The following MAMDC2 variants were observed in gnomAD, a reference collection of about 807,000 sequenced individuals.
The protein encoded by MAMDC2 is MAM domain-containing protein 2.
MAMDC2 carries 57 observed loss-of-function variants against 89.8 expected under a neutral mutation model. The observed-to-expected ratio is 0.63, with a 90% CI of 0.51 to 0.79. MAMDC2 has a LOEUF of 0.79. Among genes scored for constraint, MAMDC2 ranks in the 30% least tolerant of loss-of-function variants. The probability of loss-of-function intolerance (pLI) is 0.00; values close to 1 mark genes in which losing one functional copy is unlikely to be tolerated. For synonymous variants in MAMDC2, 313 were observed against 293.4 expected (o/e 1.07, Z -0.68); for missense variants, 800 against 820.6 (o/e 0.97, Z 0.31).
chr9:70,176,262 A>T (rs189467628), intron 11 of MAMDC2, among the ~76,000 whole-genome samples: 15 of 152,330 alleles, frequency 9.8e-5, no homozygotes, highest in Admixed American at 9.8e-4. Flanking sequence ...CATATAGTAG[A>T]TATTAAATTG....
intron 11 of MAMDC2, among the ~76,000 whole-genome samples, chr9:70,173,434 A>G (rs1453022562): frequency 6.6e-6 from 1 of 152,180 alleles, no homozygotes; most frequent in Non-Finnish European, 1.5e-5. Flanking sequence ...GACACATTTA[A>G]TAATAACTAA....
intron 2 of MAMDC2, among the ~76,000 whole-genome samples, chr9:70,072,926 G>T (rs891150677): frequency 6.6e-6 from 1 of 152,028 alleles, no homozygotes. Flanking sequence ...ACCTCCGCCT[G>T]CCAGGTTCAA....
intron 2 of MAMDC2, chr9:70,088,937 G>T (rs1282198835): frequency 6.6e-6 from 1 of 152,018 alleles, no homozygotes; most frequent in Non-Finnish European, 1.5e-5. Context: ...GCTTTACTGA[G>T]AATGTACACT....
chr9:70,099,732 T>C (rs1828115267), intron 2 of MAMDC2, among the ~76,000 whole-genome samples: 2 of 152,088 alleles, frequency 1.3e-5, no homozygotes, highest in South Asian at 4.2e-4. Context: ...CCCAGCACTT[T>C]GGGAGGCCGA....
chr9:70,135,593 T>C (rs561637264), intron 7 of MAMDC2, among the ~76,000 whole-genome samples: 2 of 152,284 alleles, frequency 1.3e-5, no homozygotes, highest in Non-Finnish European at 2.9e-5. Context: ...TCTATCACCA[T>C]GGAGAGAAGT....
At position 70,083,934 on chromosome 9, in the gene MAMDC2, A is replaced by G. The variant is rs1336680348; in HGVS notation, c.149-24277A>G. Among the ~76,000 whole-genome samples, 7 of 152,072 alleles carry G rather than the reference A, an allele frequency of 4.6e-5. No individual in the cohort carries two copies. In the East Asian group the frequency reaches 1.3e-3, roughly 29 times the overall value. On this transcript the variant is annotated intron_variant, in intron 2 of 13. Coordinates refer to ENST00000377182, the MANE Select transcript of MAMDC2 (RefSeq NM_153267.5). ...ATGAGCATGTCCTGGCTTTACCACT[A>G]ATTAGCTAAGAGACTTAAGAATAAT...
intron 5 of MAMDC2, among the ~76,000 whole-genome samples, chr9:70,115,622 C>T (rs771399178): frequency 6.6e-6 from 1 of 152,176 alleles, no homozygotes; most frequent in Non-Finnish European, 1.5e-5. Flanking sequence ...TCCCAAAGTG[C>T]TGTTTAGCAC....
chr9:70,183,269 T>C (rs970972163), intron 11 of MAMDC2, among the ~76,000 whole-genome samples: 1 of 152,212 alleles, frequency 6.6e-6, no homozygotes, highest in Non-Finnish European at 1.5e-5. Context: ...TACTTCCAAT[T>C]ATGTGGTCAA....
chr9:70,071,242 A>C (rs1827401048), intron 2 of MAMDC2, among the ~76,000 whole-genome samples: 4 of 152,348 alleles, frequency 2.6e-5, no homozygotes, highest in Admixed American at 6.5e-5. Flanking sequence ...ACTCGAGAGT[A>C]GTACTTGATT....
chr9:70,090,856 C>G (rs1347038434), intron 2 of MAMDC2: 2 of 152,104 alleles, frequency 1.3e-5, no homozygotes, highest in Non-Finnish European at 2.9e-5. Flanking sequence ...TTATGCATCA[C>G]AAGGGCACCA....
chr9:70,204,979 C>G (rs147012082), intron 11 of MAMDC2, among the ~76,000 whole-genome samples: 12 of 152,124 alleles, frequency 7.9e-5, no homozygotes, highest in Non-Finnish European at 1.6e-4. Context: ...GAGATGCACC[C>G]GGTACCTCAG....
In MAMDC2 at chr9:70,082,226, C is replaced by G. The variant is rs762939295; in HGVS notation, c.149-25985C>G. Among the ~76,000 whole-genome samples the G allele has an allele frequency of 5.3e-5, 8 of 152,078 alleles. 1 individual carries two copies. The highest frequency in any genetic ancestry group is 8.8e-5 in the Non-Finnish European group (6 of 67,994). ...CCTGGGCAACATAGCAAGACCCTGT[C>G]TCTATAAATAAATAAATAAATGATA... On this transcript the variant is annotated intron_variant, in intron 2 of 13. Transcript: ENST00000377182.
At chr9:70,184,710 G>A (rs751290519) in intron 11 of MAMDC2, among the ~76,000 whole-genome samples, 2 of 151,872 alleles carry the variant, frequency 1.3e-5, no homozygotes, top group Admixed American at 6.6e-5. Flanking sequence ...GAGTTCTCAT[G>A]CTGTGTTTTT....
chr9:70,104,754 A>C (rs1483574642), intron 2 of MAMDC2, among the ~76,000 whole-genome samples: 1 of 152,136 alleles, frequency 6.6e-6, no homozygotes, highest in Non-Finnish European at 1.5e-5. Context: ...GCAGACAGAA[A>C]GTAGATTTGT....
chr9:70,126,578 C>A (rs1478312963), intron 6 of MAMDC2, among the ~76,000 whole-genome samples, 163 bp downstream of exon 6: 1 of 152,214 alleles, frequency 6.6e-6, no homozygotes, highest in African/African-American at 2.4e-5. Flanking sequence ...TCCTGCTCTC[C>A]CTTCCTCTGT....
chr9:70,223,169 C>T (rs2033597091), intron 12 of MAMDC2, among the ~76,000 whole-genome samples: 1 of 146,294 alleles, frequency 6.8e-6, no homozygotes. Flanking sequence ...AGATTCAGGT[C>T]TCCAAATTTT....
intron 12 of MAMDC2, among the ~76,000 whole-genome samples, chr9:70,223,004 T>A (rs769249152): frequency 6.6e-6 from 1 of 151,970 alleles, no homozygotes; most frequent in Admixed American, 6.6e-5. Flanking sequence ...CCAGGTTTGG[T>A]GGTGCATGCC....
chr9:70,097,914 G>A (rs1828069576), intron 2 of MAMDC2, among the ~76,000 whole-genome samples: 1 of 152,164 alleles, frequency 6.6e-6, no homozygotes, highest in Admixed American at 6.5e-5. Flanking sequence ...ACATGGCAAG[G>A]AGAGGGGTGA....
intron 2 of MAMDC2, chr9:70,093,850 TGCA>T (rs1827965423): frequency 6.6e-6 from 1 of 152,222 alleles, no homozygotes; most frequent in African/African-American, 2.4e-5. Context: ...TATCGGGTAA[TGCA>T]GCCTTTTCTT....
Sources: gnomAD v4.1 joint callset for allele counts (sites outside exome capture counted in the v4.1 genomes callset) on GRCh38, gnomAD v4.1.1 for gene constraint, MANE v1.5 for transcripts, NCBI Gene and HGNC (gene_info 2026-07-23, HGNC 2026-07-21) for gene names.